PRAG1: variants seen among roughly 807,000 people sequenced by gnomAD.
PRAG1 encodes inactive tyrosine-protein kinase PRAG1.
Under a neutral mutation model 95.6 loss-of-function variants are expected in PRAG1, and 110 were observed. The observed-to-expected ratio is 1.15, with a 90% CI of 0.99 to 1.35. The LOEUF is 1.35. PRAG1 is among the 40% of genes most tolerant of loss of function. The probability of loss-of-function intolerance (pLI) is 0.00; values close to 1 mark genes in which losing one functional copy is unlikely to be tolerated. For synonymous variants in PRAG1, 1,052 were observed against 819.4 expected, an observed-to-expected ratio of 1.28 and a Z score of -4.85; for missense variants, 2,554 against 1,864.7, an observed-to-expected ratio of 1.37 and a Z score of -6.81.
At chr8:8,349,395 C>T (rs757246707) in intron 3 of PRAG1, among the ~76,000 whole-genome samples, 18 of 152,052 alleles carry the variant, frequency 1.2e-4, no homozygotes, top group Non-Finnish European at 1.9e-4. Flanking sequence ...ATTCTCCTGT[C>T]TCAGCCTCCT....
rs375755627 is a variant in PRAG1 at position 8,318,588 on chromosome 8, C to G, written c.3787G>C (p.Glu1263Gln). ...DEFQTGILIY[E>Q]LLHQPNPFEV... is the part of the protein sequence containing the mutation. ...AACGGGTTGGGTTGGTGCAGCAGCT[C>G]GTAGATGAGGATGCCTGTCTGGAAC... The change falls in exon 6 of 6, where the codon GAG becomes CAG. Residue 1263 changes from glutamate to glutamine, a missense_variant. Physicochemically the swap from Glu to Gln is conservative, Grantham distance 29. Transcript: ENST00000615670. This position sits in a 1 kb window ranked among gnomAD's most constrained non-coding sequence, Gnocchi z 4.2. The G allele has an allele frequency of 5.0e-6, 8 of 1,613,354 alleles. No homozygotes were observed. The highest frequency in any genetic ancestry group is 6.8e-6 in the Non-Finnish European group (8 of 1,179,892).
intron 5 of PRAG1, among the ~76,000 whole-genome samples, chr8:8,324,670 C>G (rs1798578418): frequency 1.3e-5 from 2 of 152,290 alleles, no homozygotes; most frequent in African/African-American, 4.8e-5. Flanking sequence ...GCTCAAGTTT[C>G]TAACGTTTTG....
chr8:8,348,951 C>T (rs1563240780), intron 3 of PRAG1, among the ~76,000 whole-genome samples: 1 of 152,158 alleles, frequency 6.6e-6, no homozygotes. Flanking sequence ...TGTTTTGAGG[C>T]CACAGTGGCA....
chr8:8,351,750 A>G (rs1799529340), intron 3 of PRAG1, among the ~76,000 whole-genome samples: 1 of 152,168 alleles, frequency 6.6e-6, no homozygotes, highest in Admixed American at 6.5e-5. Context: ...TAGAAAGAGA[A>G]CAACCTATTT....
Position 8,362,990 on chromosome 8 carries a change from C to T in PRAG1, c.2162+13257G>A, listed in dbSNP as rs115670678. The stretch of plus-strand genomic sequence containing the variant: ...AGCTGTGAGCTGGGACATGCCTGGG[C>T]ATGCTGAGACATGCCTGAGCAAGCC... On this transcript the variant is annotated intron_variant, in intron 3 of 5. Transcript: ENST00000615670. Among the ~76,000 whole-genome samples the T allele has an allele frequency of 5.8e-3, 873 of 151,752 alleles. 9 individuals carry two copies. The highest frequency in any genetic ancestry group is 0.021 in the Middle Eastern group (6 of 288).
intron 5 of PRAG1, among the ~76,000 whole-genome samples, chr8:8,323,748 A>G (rs1160592429): frequency 6.6e-6 from 1 of 152,116 alleles, no homozygotes; most frequent in Non-Finnish European, 1.5e-5. Context: ...CTGTGAGTCA[A>G]TTAAATCTCT....
In PRAG1 at chr8:8,318,762, G is replaced by A. The variant is rs1264262390; in HGVS notation, c.3613C>T (p.Arg1205Trp). 17 of 1,581,392 alleles carry A rather than the reference G, an allele frequency of 1.1e-5. No individual in the cohort carries two copies. Among genetic ancestry groups the A allele is most frequent in the Non-Finnish European group, 1.5e-5 (17 of 1,163,474 alleles). ...ATGAGCCGGGGCAGCTGCTTCTCCCGGGGCCCTTCCGGGGAGGCGGGGCCG... is the reference window on the plus strand; with the variant it reads ...ATGAGCCGGGGCAGCTGCTTCTCCCAGGGCCCTTCCGGGGAGGCGGGGCCG... ...AAGPASPEGP[R>W]EKQLPRLIIS... The change falls in exon 6 of 6, where the codon CGG (arginine) becomes TGG (tryptophan). Residue 1205 changes from arginine to tryptophan, a missense_variant. By Grantham distance (101) the Arg-to-Trp change is moderately radical. Transcript: ENST00000615670. The surrounding 1 kb of genome is among the most constrained non-coding windows in gnomAD (Gnocchi z 4.2).
intron 4 of PRAG1, among the ~76,000 whole-genome samples, chr8:8,332,736 G>A (rs1798863780): frequency 6.7e-6 from 1 of 149,574 alleles, no homozygotes; most frequent in South Asian, 2.1e-4. Flanking sequence ...AGCCCTTGTA[G>A]ATGAAATTGG....
At chr8:8,362,295 A>G (rs1370728408) in intron 3 of PRAG1, among the ~76,000 whole-genome samples, 1 of 152,186 alleles carries the variant, frequency 6.6e-6, no homozygotes, top group African/African-American at 2.4e-5. Flanking sequence ...CATCCACACA[A>G]GCAACACCGC....
intron 3 of PRAG1, among the ~76,000 whole-genome samples, chr8:8,350,627 G>C (rs1799490232): frequency 6.6e-6 from 1 of 152,164 alleles, no homozygotes. Flanking sequence ...TAACTTCCTA[G>C]ACGGATTTCA....
At chr8:8,384,608 C>CA (rs11400182) in intron 1 of PRAG1, among the ~76,000 whole-genome samples, 2,266 of 91,720 alleles carry the variant, frequency 0.025, 23 homozygotes, top group African/African-American at 0.053. Flanking sequence ...CGCATGCAGC[C>CA]AAAAAAAAAA....
intron 4 of PRAG1, among the ~76,000 whole-genome samples, chr8:8,336,704 A>G (rs1437355030): frequency 6.6e-6 from 1 of 151,122 alleles, no homozygotes; most frequent in Non-Finnish European, 1.5e-5. Flanking sequence ...CCCCCCACCC[A>G]TAAAACGCAA....
intron 3 of PRAG1, among the ~76,000 whole-genome samples, chr8:8,371,592 G>C (rs1800208079): frequency 6.6e-6 from 1 of 152,100 alleles, no homozygotes; most frequent in South Asian, 2.1e-4. Context: ...GACATCAGCT[G>C]GGCGTGGTGG....
chr8:8,327,741 G>A lies in PRAG1; in HGVS notation c.3041C>T (p.Ser1014Phe). 1 of 1,614,108 alleles carries A rather than the reference G, an allele frequency of 6.2e-7. No individual in the cohort carries two copies. Among genetic ancestry groups the A allele is most frequent in the Non-Finnish European group, 8.5e-7 (1 of 1,179,956 alleles). Residue 1014 changes from serine to phenylalanine, a missense_variant, in exon 5 of 6, where the codon TCT (serine) becomes TTT (phenylalanine). Coordinates refer to ENST00000615670, the MANE Select transcript of PRAG1 (RefSeq NM_001080826.3). The part of the protein sequence containing the change: ...GDAIYYCATC[S>F]EDPGSTYAVK... ...AGCATAGGTGCTGCCGGGGTCCTCA[G>A]AGCAGGTGGCACAGTAATAAATGGC... is the stretch of plus-strand genomic sequence containing the variant.
intron 4 of PRAG1, among the ~76,000 whole-genome samples, chr8:8,331,807 T>G (rs1798827049): frequency 6.6e-6 from 1 of 152,190 alleles, no homozygotes; most frequent in Admixed American, 6.5e-5. Flanking sequence ...CTTGCTTTCC[T>G]GTAGGAGCTG....
At position 8,381,458 on chromosome 8, in the gene PRAG1, T is replaced by A; in HGVS notation, c.290A>T (p.Asp97Val). 6.2e-7 allele frequency: 1 copy of A among 1,614,160 alleles called. No individual in the cohort carries two copies. Among genetic ancestry groups the A allele is most frequent in the Non-Finnish European group, 8.5e-7 (1 of 1,179,986 alleles). Residue 97 changes from aspartate to valine, a missense_variant, in exon 2 of 6, where the codon GAT becomes GTT. Transcript: ENST00000615670. ...ACTCAGGTTGGCCTCTGTCCACACA[T>A]CAGAGGCCTCGGAGCTCATCATGGT... ...KPTMMSSEASDVWTEANLSAE... is the reference protein window; with the variant it reads ...KPTMMSSEASVVWTEANLSAE...
Position 8,339,561 on chromosome 8 carries a change from G to A in PRAG1, c.2237C>T (p.Pro746Leu), listed in dbSNP as rs1346162940. ...GCTGACGTGGACACCCCTGAAGGATGGGCTGAGGCTTTCTGCAGAGCCCTG... is the reference window on the plus strand; with the variant it reads ...GCTGACGTGGACACCCCTGAAGGATAGGCTGAGGCTTTCTGCAGAGCCCTG... ...VSQGSAESLS[P>L]SFRGVHVSFT... The change falls in exon 4 of 6, where the codon CCA becomes CTA. Residue 746 changes from proline (P) to leucine (L), a missense_variant. Physicochemically the swap from Pro to Leu is moderately conservative, Grantham distance 98. Coordinates refer to ENST00000615670, the MANE Select transcript of PRAG1 (RefSeq NM_001080826.3). The A allele has an allele frequency of 1.2e-6, 2 of 1,614,078 alleles. No homozygotes were observed. The highest frequency in any genetic ancestry group is 8.5e-7 in the Non-Finnish European group (1 of 1,180,046).
chr8:8,364,069 C>T (rs1203397009), intron 3 of PRAG1, among the ~76,000 whole-genome samples: 1 of 152,138 alleles, frequency 6.6e-6, no homozygotes, highest in Non-Finnish European at 1.5e-5. Context: ...GTTTATGTCC[C>T]CTTACTGACC....
At chr8:8,359,200 T>C (rs1204872179) in intron 3 of PRAG1, among the ~76,000 whole-genome samples, 3 of 152,266 alleles carry the variant, frequency 2.0e-5, no homozygotes, top group African/African-American at 7.2e-5. Flanking sequence ...TTTATAGTTT[T>C]TCCTCTTCAA....
Sources: allele counts gnomAD v4.1 joint callset (sites outside exome capture counted in the v4.1 genomes callset), GRCh38; gene constraint gnomAD v4.1.1; non-coding constraint Gnocchi (gnomAD v3.1); transcripts MANE v1.5; gene names NCBI Gene and HGNC (gene_info 2026-07-23, HGNC 2026-07-21).